GPC5: variants seen among roughly 807,000 people sequenced by gnomAD.
GPC5 encodes glypican-5.
In GPC5, 47 loss-of-function variants were observed where a neutral mutation model predicts 53.9. The observed-to-expected ratio is 0.87, with a 90% CI of 0.69 to 1.11. GPC5 has a LOEUF of 1.11. GPC5 is among the 50% of genes most tolerant of loss of function. The pLI is 0.00. For missense variants in GPC5, 748 were observed against 713.1 expected (o/e 1.05, Z -0.56); for synonymous variants, 286 against 263.3 (o/e 1.09, Z -0.84).
intron 7 of GPC5, among the ~76,000 whole-genome samples, chr13:92,761,016 C>T (rs1231288694): frequency 6.6e-6 from 1 of 152,092 alleles, no homozygotes; most frequent in Non-Finnish European, 1.5e-5. Context: ...AGAAATAATA[C>T]TTGATATGAT....
chr13:92,423,741 T>TA (rs1876694074), intron 7 of GPC5, among the ~76,000 whole-genome samples: 1 of 152,186 alleles, frequency 6.6e-6, no homozygotes, highest in Non-Finnish European at 1.5e-5. Context: ...CCCTGTAGCC[T>TA]AAGGAGCATC....
intron 7 of GPC5, among the ~76,000 whole-genome samples, chr13:92,422,294 A>G (rs1041241): frequency 0.66 from 99,602 of 151,856 alleles, 33,472 homozygotes; most frequent in African/African-American, 0.8. Flanking sequence ...AATGGCAGAC[A>G]TACTCTAAAT....
chr13:91,408,718 A>C (rs933622388), intron 1 of GPC5, among the ~76,000 whole-genome samples: 2 of 152,174 alleles, frequency 1.3e-5, no homozygotes, highest in Non-Finnish European at 2.9e-5. Flanking sequence ...TTCATAACTT[A>C]AATTGTTTAT....
chr13:91,522,486 T>C (rs1025359560), intron 2 of GPC5, among the ~76,000 whole-genome samples: 1 of 152,238 alleles, frequency 6.6e-6, no homozygotes, highest in Non-Finnish European at 1.5e-5. Flanking sequence ...TTTTTTCTTT[T>C]ATTTTTATTT....
At chr13:91,813,920 A>ATTTTTT (rs71113766) in intron 5 of GPC5, among the ~76,000 whole-genome samples, 3 of 72,642 alleles carry the variant, frequency 4.1e-5, no homozygotes, top group African/African-American at 1.2e-4. Context: ...ATCTTAACTG[A>ATTTTTT]TTTTTTTTTT....
chr13:92,591,377 G>C (rs1883706563), intron 7 of GPC5, among the ~76,000 whole-genome samples: 1 of 152,014 alleles, frequency 6.6e-6, no homozygotes, highest in Admixed American at 6.6e-5. Flanking sequence ...TCAACTCTAG[G>C]GGAATGCCCT....
intron 7 of GPC5, among the ~76,000 whole-genome samples, chr13:92,578,239 C>T (rs1883250630): frequency 1.3e-5 from 2 of 152,106 alleles, no homozygotes; most frequent in South Asian, 4.1e-4. Context: ...TGTGTGTTAG[C>T]CCCAGATAGC....
chr13:92,285,785 A>G, intron 7 of GPC5, among the ~76,000 whole-genome samples: 1 of 152,138 alleles, frequency 6.6e-6, no homozygotes, highest in Non-Finnish European at 1.5e-5. Context: ...AACCATAAAA[A>G]CCCTAGAAGA....
intron 7 of GPC5, among the ~76,000 whole-genome samples, chr13:92,629,278 G>A (rs1427035379): frequency 6.6e-6 from 1 of 152,146 alleles, no homozygotes; most frequent in Non-Finnish European, 1.5e-5. Flanking sequence ...TAACAGCCTA[G>A]TCCTATTATT....
rs1049738775 is a variant in GPC5 at position 92,009,530 on chromosome 13, A to G, written c.1401+101473A>G. 2.6e-5 allele frequency among the ~76,000 whole-genome samples: 4 copies of G among 152,162 alleles called. No individual in the cohort carries two copies. The East Asian group carries it at 5.8e-4, about 22-fold the overall frequency. On this transcript the variant is annotated intron_variant, in intron 6 of 7. Coordinates refer to ENST00000377067, the MANE Select transcript of GPC5 (RefSeq NM_004466.6). ...CCTCAGTTTACACCCCTGTCCCCCAATCATTCTTGCTCAGGCAGGTAGAGT... is the reference window on the plus strand; with the variant it reads ...CCTCAGTTTACACCCCTGTCCCCCAGTCATTCTTGCTCAGGCAGGTAGAGT...
At chr13:92,291,352 A>G (rs1234490593) in intron 7 of GPC5, among the ~76,000 whole-genome samples, 2 of 152,128 alleles carry the variant, frequency 1.3e-5, no homozygotes, top group African/African-American at 4.8e-5. Context: ...TAGCTAAGGG[A>G]TTGTAAGTAC....
At chr13:91,626,834 A>C (rs911771688) in intron 2 of GPC5, among the ~76,000 whole-genome samples, 6 of 151,724 alleles carry the variant, frequency 4.0e-5, no homozygotes, top group Admixed American at 6.6e-5. Context: ...CCAACCCCAC[A>C]ACAGGCCCTC....
intron 2 of GPC5, among the ~76,000 whole-genome samples, chr13:91,646,849 A>G (rs2034569570): frequency 6.6e-6 from 1 of 152,188 alleles, no homozygotes; most frequent in Admixed American, 6.6e-5. Context: ...TGTGTCTGTC[A>G]CAGAGCATGG....
chr13:92,174,450 G>A (rs1164598057), intron 7 of GPC5, among the ~76,000 whole-genome samples: 2 of 151,296 alleles, frequency 1.3e-5, no homozygotes, highest in Non-Finnish European at 2.9e-5. Context: ...CAGGAGAACC[G>A]CGTGAACCCG....
rs113203386 is a variant in GPC5, at chr13:92,622,565, A to AT, written c.1562-243705dup. Among the ~76,000 whole-genome samples, 683 of 145,730 alleles carry AT rather than the reference A, an allele frequency of 4.7e-3. 5 individuals carry two copies. Among genetic ancestry groups the AT allele is most frequent in the African/African-American group, 0.014 (558 of 39,926 alleles). Reference sequence around the variant, plus strand: ...ACATTTTGTACTATTCCATTGATTGATTTTTTTTTTTTCTTTGAGACAGGT... The same window carrying AT: ...ACATTTTGTACTATTCCATTGATTGATTTTTTTTTTTTTCTTTGAGACAGGT... On this transcript the variant is annotated intron_variant, in intron 7 of 7. Coordinates refer to ENST00000377067, the MANE Select transcript of GPC5 (RefSeq NM_004466.6).
chr13:91,773,714 G>A (rs564386473), intron 5 of GPC5, among the ~76,000 whole-genome samples: 1 of 152,140 alleles, frequency 6.6e-6, no homozygotes, highest in African/African-American at 2.4e-5. Context: ...TTTGTAGAAC[G>A]TAAAAGCTTG....
At chr13:91,852,219 A>G (rs115600302) in intron 5 of GPC5, among the ~76,000 whole-genome samples, 15,670 of 151,734 alleles carry the variant, frequency 0.1, 904 homozygotes, top group Non-Finnish European at 0.13. Context: ...GCTTTTTTCT[A>G]ATTAAAAAAT....
intron 7 of GPC5, among the ~76,000 whole-genome samples, chr13:92,849,245 T>C (rs1878711881): frequency 1.3e-5 from 2 of 152,214 alleles, no homozygotes; most frequent in Admixed American, 1.3e-4. Context: ...TTAGAAATGA[T>C]AGCAATGACT....
At chr13:92,019,914 C>T (rs2040742555) in intron 6 of GPC5, among the ~76,000 whole-genome samples, 1 of 152,048 alleles carries the variant, frequency 6.6e-6, no homozygotes, top group African/African-American at 2.4e-5. Flanking sequence ...TGGCTTAAAA[C>T]AACAAATTAT....
Sources: allele counts gnomAD v4.1 joint callset (sites outside exome capture counted in the v4.1 genomes callset), GRCh38; gene constraint gnomAD v4.1.1; transcripts MANE v1.5; gene names NCBI Gene and HGNC (gene_info 2026-07-23, HGNC 2026-07-21).